PGM3: variants seen among roughly 807,000 people sequenced by gnomAD.
PGM3 encodes phosphoglucomutase 3, also known as phosphoacetylglucosamine mutase.
A neutral mutation model predicts 66.2 loss-of-function variants in PGM3; 40 were observed. The observed-to-expected ratio is 0.60, with a 90% CI of 0.47 to 0.79. The LOEUF (loss-of-function observed/expected upper bound fraction) is 0.79. Among genes scored for constraint, PGM3 ranks in the 30% least tolerant of loss-of-function variants. PGM3 has a pLI of 0.00. For synonymous variants in PGM3, 191 were observed against 224.2 expected (o/e 0.85, Z 1.32); for missense variants, 537 against 643.4 (o/e 0.83, Z 1.79).
chr6:83,158,592 A>C, downstream of PGM3: 1 of 1,608,796 alleles, frequency 6.2e-7, no homozygotes, highest in Non-Finnish European at 8.5e-7. Context: ...CTGATGGAGC[A>C]GGAACTCACT....
intron 2 of PGM3, 60 bp downstream of exon 2, chr6:83,190,749 G>C: frequency 7.8e-7 from 1 of 1,287,786 alleles, no homozygotes; most frequent in Non-Finnish European, 1.1e-6. Context: ...AATTTGCTCA[G>C]ACACTAAGGC....
the PGM3 span, chr6:83,152,440 A>G: frequency 6.4e-6 from 4 of 623,590 alleles, no homozygotes; most frequent in Non-Finnish European, 1.0e-5. Context: ...AGTAATTTTT[A>G]TAGAGGAATT....
chr6:83,188,834 T>C, intron 2 of PGM3, 36 bp from the exon 3 acceptor site: 8 of 1,567,866 alleles, frequency 5.1e-6, no homozygotes, highest in Non-Finnish European at 7.0e-6. Context: ...AATCTGTGCA[T>C]ACTCATGAGG....
At chr6:83,184,664 A>G (rs1176842911) in intron 4 of PGM3, among the ~76,000 whole-genome samples, 1 of 152,216 alleles carries the variant, frequency 6.6e-6, no homozygotes, top group Non-Finnish European at 1.5e-5. Flanking sequence ...TTCTCCCCAT[A>G]TATCACAAAA....
At chr6:83,173,949 G>A (rs917453264) in intron 10 of PGM3, among the ~76,000 whole-genome samples, 9 of 151,902 alleles carry the variant, frequency 5.9e-5, no homozygotes, top group African/African-American at 2.2e-4. Flanking sequence ...TGTTAGCCAG[G>A]AGGGTCTCGA....
At position 83,170,308 on chromosome 6, in the gene PGM3, T is replaced by C; in HGVS notation, c.1536A>G (p.Ser512=). ...CAATAGAACTATCCCAGCTTACTTG[T>C]GAGTCTGCTTCTGCATATACTCGGA... ...DVVRVYAEAD[S]QESADHLAHE... Residue 512 remains serine (S), a synonymous_variant, in exon 12 of 13, where the codon TCA becomes TCG. Coordinates refer to ENST00000513973, the MANE Select transcript of PGM3 (RefSeq NM_015599.3). The C allele has an allele frequency of 1.2e-6, 2 of 1,614,056 alleles. No individual in the cohort carries two copies. The highest frequency in any genetic ancestry group is 1.7e-6 in the Non-Finnish European group (2 of 1,179,904).
chr6:83,192,437 C>A (rs73749740), intron 1 of PGM3, among the ~76,000 whole-genome samples: 2,016 of 152,326 alleles, frequency 0.013, 43 homozygotes, highest in African/African-American at 0.044. Context: ...AGATGAGGAG[C>A]AGTCCGCCAG....
chr6:83,169,742 T>C, intron 12 of PGM3: 1 of 458,330 alleles, frequency 2.2e-6, no homozygotes, highest in Non-Finnish European at 4.4e-6. Context: ...CCTGATTCCC[T>C]ATTCAGCGCA....
downstream of PGM3, among the ~76,000 whole-genome samples, chr6:83,156,857 C>G (rs141860435): frequency 4.0e-5 from 6 of 151,878 alleles, no homozygotes; most frequent in African/African-American, 1.5e-4. Context: ...TTGACTAGAT[C>G]AGTGCTACTC....
chr6:83,191,084 G>A, intron 1 of PGM3, 70 bp from the exon 2 acceptor site: 1 of 1,505,296 alleles, frequency 6.6e-7, no homozygotes. Flanking sequence ...TTCAAAAACT[G>A]CCACCCCAAA....
chr6:83,173,033 G>GTAAC (rs1417294880), intron 10 of PGM3, among the ~76,000 whole-genome samples: 1 of 152,096 alleles, frequency 6.6e-6, no homozygotes, highest in Non-Finnish European at 1.5e-5. Flanking sequence ...TTAATCTTAT[G>GTAAC]TAACATACAT....
Position 83,167,660 on chromosome 6 carries a change from G to A in PGM3, c.*1574C>T. 1 of 1,341,420 alleles carries A rather than the reference G, an allele frequency of 7.5e-7. No homozygotes were observed. The highest frequency in any genetic ancestry group is 9.5e-7 in the Non-Finnish European group (1 of 1,051,032). 83.1% of individuals were successfully genotyped at this position (1,341,420 alleles called of 1,614,324 possible). A position where few individuals can be genotyped will look rare whatever the true frequency, so the allele number is the denominator to read the frequency against. On this transcript the variant is annotated 3_prime_UTR_variant, in exon 13 of 13. Coordinates refer to ENST00000513973, the MANE Select transcript of PGM3 (RefSeq NM_015599.3). ...TCTAGTTGGGAACTATTACTACAAT[G>A]TTAGACTGCTCCATGTAAAACTAAT...
rs775227073 is a variant in PGM3, at chr6:83,171,964, A to T, written c.1338T>A (p.Asp446Glu). 1.2e-6 allele frequency: 2 copies of T among 1,613,276 alleles called. No individual in the cohort carries two copies. Among genetic ancestry groups the T allele is most frequent in the Admixed American group, 3.3e-5 (2 of 60,008 alleles). Reference protein sequence around the residue: ...TVQQWDALYTDLPNRQLKVQV... With the variant: ...TVQQWDALYTELPNRQLKVQV... Reference sequence around the variant, plus strand: ...GAACTTTAAGTTGTCTGTTTGGAAGATCTGTATAGAGAGCATCCCACTGTT... The same window carrying T: ...GAACTTTAAGTTGTCTGTTTGGAAGTTCTGTATAGAGAGCATCCCACTGTT... Residue 446 changes from aspartate (D) to glutamate (E), a missense_variant, in exon 11 of 13, where the codon GAT becomes GAA. Transcript: ENST00000513973.
At chr6:83,173,898 G>C (rs543482842) in intron 10 of PGM3, among the ~76,000 whole-genome samples, 2 of 151,936 alleles carry the variant, frequency 1.3e-5, no homozygotes, top group African/African-American at 4.8e-5. Flanking sequence ...CACCATGCCC[G>C]GCTAATTTTT....
At chr6:83,149,699 C>G in the PGM3 span, among the ~76,000 whole-genome samples, 5 of 151,980 alleles carry the variant, frequency 3.3e-5, no homozygotes, top group African/African-American at 1.2e-4. Flanking sequence ...AGAGGCTAGA[C>G]TAGGAATTCT....
intron 2 of PGM3, chr6:83,190,413 T>C (rs1170449330): frequency 5.6e-6 from 1 of 178,470 alleles, no homozygotes; most frequent in Non-Finnish European, 1.2e-5. Flanking sequence ...TGCCGAGCTA[T>C]AAAAACCTGT....
chr6:83,171,361 A>G (rs1424891521), intron 11 of PGM3: 1 of 152,058 alleles, frequency 6.6e-6, no homozygotes, highest in African/African-American at 2.4e-5. Context: ...GTGATGCGTC[A>G]TTCATATTAT....
chr6:83,190,394 A>G (rs1788956122), intron 2 of PGM3: 1 of 172,590 alleles, frequency 5.8e-6, no homozygotes, highest in Non-Finnish European at 1.2e-5. Context: ...ATTCAGAACA[A>G]GAAATTATTG....
intron 2 of PGM3, among the ~76,000 whole-genome samples, chr6:83,190,342 T>C (rs1475184886): frequency 6.6e-6 from 1 of 152,194 alleles, no homozygotes; most frequent in African/African-American, 2.4e-5. Context: ...ACTAGAACTA[T>C]CAGGCGTCAT....
Sources: gnomAD v4.1 joint callset for allele counts (sites outside exome capture counted in the v4.1 genomes callset) on GRCh38, gnomAD v4.1.1 for gene constraint, MANE v1.5 for transcripts, NCBI Gene and HGNC (gene_info 2026-07-23, HGNC 2026-07-21) for gene names.